Variants in DNMT1 observed in about 807,000 individuals in gnomAD.
DNMT1 encodes DNA (cytosine-5)-methyltransferase 1.
DNMT1 carries 24 observed loss-of-function variants against 205.3 expected under a neutral mutation model. That is an observed-to-expected ratio of 0.12 (90% CI 0.08 to 0.16). The LOEUF (loss-of-function observed/expected upper bound fraction) is 0.16. Ranked by LOEUF, DNMT1 falls within the 10% of genes least tolerant of loss-of-function variation. The probability of loss-of-function intolerance (pLI) is 1.00; values close to 1 mark genes in which losing one functional copy is unlikely to be tolerated. For synonymous variants in DNMT1, 817 were observed against 839.8 expected (o/e 0.97, Z 0.47); for missense variants, 1,293 against 2,177.7 (o/e 0.59, Z 8.09).
Position 10,137,101 on chromosome 19 carries a change from G to T in DNMT1, c.4473C>A (p.Val1491=). 1 of 1,612,250 alleles carries T rather than the reference G, an allele frequency of 6.2e-7. No homozygotes were observed. The highest frequency in any genetic ancestry group is 8.5e-7 in the Non-Finnish European group (1 of 1,179,648). Residue 1491 remains valine, a synonymous_variant, in exon 37 of 41, where the codon GTC becomes GTA. Transcript: ENST00000359526. The surrounding 1 kb of genome is among the most constrained non-coding windows in gnomAD (Gnocchi z 6.4). The part of the protein sequence containing the change: ...GRSSSGALRG[V]CSCVEAGKAC... ...AGGACCCACCTTCCACGCAGGAGCA[G>T]ACCCCACGGAGGGCCCCAGAGCTGC... is the stretch of plus-strand genomic sequence containing the variant.
chr19:10,146,947 C>T lies in DNMT1; in HGVS notation c.2721-423G>A, dbSNP rs2038215950. On this transcript the variant is annotated intron_variant, in intron 27 of 40. Transcript: ENST00000359526. This position sits in a 1 kb window ranked among gnomAD's most constrained non-coding sequence, Gnocchi z 4.4. ...TTGACTAGTAAGCCCTTAAAGGAGA[C>T]TTGAAGATGGCCTTAAAAATAGAGA... 6.6e-6 allele frequency among the ~76,000 whole-genome samples: 1 copy of T among 152,122 alleles called. No individual in the cohort carries two copies. Among genetic ancestry groups the T allele is most frequent in the African/African-American group, 2.4e-5 (1 of 41,414 alleles).
chr19:10,155,203 T>A (rs1170868387), intron 19 of DNMT1, 147 bp from the exon 20 acceptor site: 13 of 1,126,334 alleles, frequency 1.2e-5, no homozygotes, highest in Non-Finnish European at 1.4e-5. Flanking sequence ...GCACAACACA[T>A]CATAGCTGGC....
In DNMT1 at chr19:10,143,412, C is replaced by T. The variant is rs148807462; in HGVS notation, c.3116+354G>A. 9.7e-3 allele frequency among the ~76,000 whole-genome samples: 1,348 copies of T among 139,456 alleles called. 9 individuals carry two copies. Among genetic ancestry groups the T allele is most frequent in the Admixed American group, 0.013 (167 of 13,062 alleles). The allele number at this position is 139,456 out of a possible 152,430, so 91.5% of individuals were successfully genotyped here. A position where few individuals can be genotyped will look rare whatever the true frequency, so the allele number is the denominator to read the frequency against. On this transcript the variant is annotated intron_variant, in intron 29 of 40. Coordinates refer to ENST00000359526, the MANE Select transcript of DNMT1 (RefSeq NM_001130823.3). Reference sequence around the variant, plus strand: ...TTTTTTTTTTTTTTTTTGGTAGGGCCGGGGTCTCACTACGTTTCCTCAAGC... The same window carrying T: ...TTTTTTTTTTTTTTTTTGGTAGGGCTGGGGTCTCACTACGTTTCCTCAAGC...
chr19:10,191,205 C>G (rs1443135646), intron 1 of DNMT1, among the ~76,000 whole-genome samples: 1 of 151,366 alleles, frequency 6.6e-6, no homozygotes, highest in Non-Finnish European at 1.5e-5. Context: ...TGCTTAAACC[C>G]GGGAAGCGGA....
intron 13 of DNMT1, 47 bp downstream of exon 13, chr19:10,162,620 G>GAAAAA (rs573823039): frequency 4.5e-5 from 59 of 1,316,432 alleles, no homozygotes; most frequent in Middle Eastern, 2.1e-4. Context: ...CCGTCTTGGG[G>GAAAAA]AAAAAAAAAA....
Position 10,137,454 on chromosome 19 carries a change from G to GCGCTGCCTC in DNMT1, c.4294-175_4294-174insGAGGCAGCG. The GCGCTGCCTC allele has an allele frequency of 1.3e-6, 1 of 781,440 alleles. No homozygotes were observed. The highest frequency in any genetic ancestry group is 1.7e-5 in the African/African-American group (1 of 58,114). 48.4% of individuals were successfully genotyped at this position (781,440 alleles called of 1,614,324 possible). ...TGGCTCGAGGCCACGGCAGGGACCT[G>GCGCTGCCTC]AGGCAGCGCAGGTGTAGGAGAGCGT... On this transcript the variant is annotated intron_variant, in intron 36 of 40. Coordinates refer to ENST00000359526, the MANE Select transcript of DNMT1 (RefSeq NM_001130823.3). The surrounding 1 kb of genome is among the most constrained non-coding windows in gnomAD (Gnocchi z 6.4).
chr19:10,155,360 CAG>C (rs1283308443), intron 19 of DNMT1, among the ~76,000 whole-genome samples: 1 of 150,286 alleles, frequency 6.7e-6, no homozygotes, highest in Non-Finnish European at 1.5e-5. Context: ...CAGGGGAGGA[CAG>C]AGTCTTGCTC....
At chr19:10,145,498 C>T (rs927333043) in intron 28 of DNMT1, among the ~76,000 whole-genome samples, 5 of 152,158 alleles carry the variant, frequency 3.3e-5, no homozygotes, top group South Asian at 2.1e-4. Flanking sequence ...TCCAACCACA[C>T]GCTGATTCTT....
At chr19:10,164,913 T>TAAAAAAA (rs535161745) in intron 11 of DNMT1, among the ~76,000 whole-genome samples, 3 of 34,046 alleles carry the variant, frequency 8.8e-5, no homozygotes, top group East Asian at 1.1e-3. Flanking sequence ...GAGACTATCT[T>TAAAAAAA]AAAAAAAAAA....
In DNMT1 at chr19:10,179,969, G is replaced by A. The variant is rs764866591; in HGVS notation, c.493+218C>T. 82 of 232,396 alleles carry A rather than the reference G, an allele frequency of 3.5e-4. 1 individual carries two copies. Among genetic ancestry groups the A allele is most frequent in the Non-Finnish European group, 4.4e-4 (53 of 119,300 alleles). The allele number at this position is 232,396 out of a possible 1,614,324, so 14.4% of individuals were successfully genotyped here. On this transcript the variant is annotated intron_variant, in intron 5 of 40. Transcript: ENST00000359526. ...CGCGCCATTGCACTCTATCCTGGGC[G>A]ATAGAGCAAGACTCTGTCATTAAAA...
chr19:10,163,778 T>C (rs137999879), intron 11 of DNMT1, among the ~76,000 whole-genome samples: 1,848 of 152,336 alleles, frequency 0.012, 21 homozygotes, highest in South Asian at 0.024. Flanking sequence ...TGCAGTGGCA[T>C]GTGCCTGTAA....
chr19:10,177,171 G>T, intron 6 of DNMT1, 121 bp downstream of exon 6: 2 of 892,884 alleles, frequency 2.2e-6, no homozygotes, highest in South Asian at 1.4e-5. Flanking sequence ...CTAGAGAACA[G>T]AACCGCAAGA....
chr19:10,180,865 C>A lies in DNMT1; in HGVS notation c.138G>T (p.Leu46Phe), dbSNP rs1234060339. ...LTEKECVKEK[L>F]NLLHEFLQTE... ...TTTGCAGAAATTCGTGCAAGAGATT[C>A]AATTTCTCCTTCACACATTCCTAAG... The change falls in exon 3 of 41, where the codon TTG becomes TTT. Residue 46 changes from leucine to phenylalanine, a missense_variant. Physicochemically the swap from Leu to Phe is conservative, Grantham distance 22. Coordinates refer to ENST00000359526, the MANE Select transcript of DNMT1 (RefSeq NM_001130823.3). 1 of 1,614,146 alleles carries A rather than the reference C, an allele frequency of 6.2e-7. No homozygotes were observed. The highest frequency in any genetic ancestry group is 1.1e-5 in the South Asian group (1 of 91,072).
Position 10,142,064 on chromosome 19 carries a change from G to A in DNMT1, c.3273C>T (p.Tyr1091=), listed in dbSNP as rs1272123347. Residue 1091 remains tyrosine, a synonymous_variant, in exon 30 of 41, where the codon TAC becomes TAT. Coordinates refer to ENST00000359526, the MANE Select transcript of DNMT1 (RefSeq NM_001130823.3). The stretch of plus-strand genomic sequence containing the variant: ...AGAAGCGGTTGGGGCCGCCCATGGA[G>A]TACACCTGGACGCACTCGGGCAGGT... ...GEDLPECVQV[Y]SMGGPNRFYF... The A allele has an allele frequency of 5.6e-6, 9 of 1,611,954 alleles. No homozygotes were observed. Among genetic ancestry groups the A allele is most frequent in the Non-Finnish European group, 4.2e-6 (5 of 1,178,454 alleles).
intron 17 of DNMT1, among the ~76,000 whole-genome samples, chr19:10,157,735 T>C (rs888395299): frequency 1.3e-5 from 2 of 152,136 alleles, no homozygotes; most frequent in Admixed American, 1.3e-4. Flanking sequence ...ACAGAATAGG[T>C]TGCAGCCCTG....
At chr19:10,179,722 G>A (rs1025090464) in intron 5 of DNMT1, among the ~76,000 whole-genome samples, 3 of 152,072 alleles carry the variant, frequency 2.0e-5, no homozygotes, top group African/African-American at 7.2e-5. Context: ...GGGCACGGTG[G>A]CTCACACCTG....
At chr19:10,148,843 T>C (rs760655599) in intron 27 of DNMT1, 41 bp downstream of exon 27, 1 of 1,613,734 alleles carries the variant, frequency 6.2e-7, no homozygotes, top group South Asian at 1.1e-5. Context: ...TGATGTGGGC[T>C]GAAAGTGCCT....
chr19:10,133,877 C>T lies in DNMT1; in HGVS notation c.4865-176G>A, dbSNP rs1384623969. Among the ~76,000 whole-genome samples the T allele has an allele frequency of 6.6e-6, 1 of 152,206 alleles. No individual in the cohort carries two copies. Among genetic ancestry groups the T allele is most frequent in the Non-Finnish European group, 1.5e-5 (1 of 68,044 alleles). On this transcript the variant is annotated intron_variant, in intron 40 of 40. Transcript: ENST00000359526. The surrounding 1 kb of genome is among the most constrained non-coding windows in gnomAD (Gnocchi z 4.1). Reference sequence around the variant, plus strand: ...TCACGGAGACTGAACACTCCTCAAACGGTCCCCAGAGGGTTCTAGACCCAG... The same window carrying T: ...TCACGGAGACTGAACACTCCTCAAATGGTCCCCAGAGGGTTCTAGACCCAG...
rs1456240920 is a variant in DNMT1 at position 10,180,533 on chromosome 19, T to C, written c.262A>G (p.Lys88Glu). ...YLAKVKSLLNKDLSLENGAHA... is the reference protein window; with the variant it reads ...YLAKVKSLLNEDLSLENGAHA... ...GCACCGTTCTCCAAGGACAAATCTT[T>C]ATTTAAAAGGGATTTGACTTTAGCC... Residue 88 changes from lysine to glutamate, a missense_variant, in exon 4 of 41, where the codon AAA (lysine) becomes GAA (glutamate). By Grantham distance (56) the Lys-to-Glu change is moderately conservative. Coordinates refer to ENST00000359526, the MANE Select transcript of DNMT1 (RefSeq NM_001130823.3). The C allele has an allele frequency of 1.2e-6, 2 of 1,614,154 alleles. No homozygotes were observed. Among genetic ancestry groups the C allele is most frequent in the Non-Finnish European group, 1.7e-6 (2 of 1,180,030 alleles).
Sources: gnomAD v4.1 joint callset for allele counts (sites outside exome capture counted in the v4.1 genomes callset) on GRCh38, gnomAD v4.1.1 for gene constraint, Gnocchi (gnomAD v3.1) non-coding constraint, MANE v1.5 for transcripts, NCBI Gene and HGNC (gene_info 2026-07-23, HGNC 2026-07-21) for gene names.